Variants in GAB1 observed in about 807,000 individuals in gnomAD.
GAB1 encodes the protein GRB2 associated binding protein 1.
A neutral mutation model predicts 66.5 loss-of-function variants in GAB1; 19 were observed. That is an observed-to-expected ratio of 0.29 (90% CI 0.20 to 0.42). The LOEUF (loss-of-function observed/expected upper bound fraction) is 0.42, where lower values mean the gene tolerates loss of function less well. Among genes scored for constraint, GAB1 ranks in the 10% least tolerant of loss-of-function variants. GAB1 has a pLI of 1.00. For missense variants in GAB1, 732 were observed against 858.5 expected (o/e 0.85, Z 1.84); for synonymous variants, 294 against 301.4 (o/e 0.98, Z 0.25).
chr4:143,398,144 G>A (rs1731549324), intron 1 of GAB1, among the ~76,000 whole-genome samples: 1 of 152,200 alleles, frequency 6.6e-6, no homozygotes, highest in Non-Finnish European at 1.5e-5. Flanking sequence ...GAAAAAGCTG[G>A]TGAGGGTGTT....
chr4:143,417,510 C>T (rs765972908), intron 2 of GAB1: 12 of 339,346 alleles, frequency 3.5e-5, no homozygotes, highest in Non-Finnish European at 6.5e-5. Context: ...CAGGTTCAAG[C>T]GATTCTCGTG....
intron 6 of GAB1, among the ~76,000 whole-genome samples, chr4:143,448,592 G>T (rs1734707099): frequency 2.6e-5 from 4 of 151,566 alleles, no homozygotes. Context: ...GGTGTTTGTA[G>T]TATTCTCTGA....
At chr4:143,413,914 C>T (rs548685144) in intron 1 of GAB1, among the ~76,000 whole-genome samples, 37 of 148,750 alleles carry the variant, frequency 2.5e-4, no homozygotes, top group Middle Eastern at 3.4e-3. Flanking sequence ...CTGCCAACTC[C>T]GGGTTCAAGC....
chr4:143,344,743 T>C (rs1184517314), intron 1 of GAB1, among the ~76,000 whole-genome samples: 2 of 152,184 alleles, frequency 1.3e-5, no homozygotes, highest in Non-Finnish European at 1.5e-5. Context: ...GGCTTCTATG[T>C]TTGAGCATCT....
At chr4:143,364,651 T>C (rs957049338) in intron 1 of GAB1, among the ~76,000 whole-genome samples, 4 of 152,232 alleles carry the variant, frequency 2.6e-5, no homozygotes, top group Admixed American at 6.5e-5. Flanking sequence ...ATCCTATGCG[T>C]GCTCATCACA....
chr4:143,458,598 G>A (rs1358377918), intron 6 of GAB1, among the ~76,000 whole-genome samples: 1 of 151,856 alleles, frequency 6.6e-6, no homozygotes, highest in Non-Finnish European at 1.5e-5. Flanking sequence ...AAAAATCTCA[G>A]TCTTGACTTT....
chr4:143,340,076 G>C (rs1288105301), intron 1 of GAB1, among the ~76,000 whole-genome samples: 1 of 151,720 alleles, frequency 6.6e-6, no homozygotes, highest in Admixed American at 6.5e-5. Flanking sequence ...CAGGTTGGTG[G>C]CCCAGAAGAT....
Position 143,426,529 on chromosome 4 carries a change from G to T in GAB1, c.368-6962G>T, listed in dbSNP as rs376312056. On this transcript the variant is annotated intron_variant, in intron 2 of 9. Transcript: ENST00000262994. ...CTGCACTCCAGCCTGGGCACAGAGG[G>T]AGACCTTGTCTCAAAAAATAAAAAT... Among the ~76,000 whole-genome samples the T allele has an allele frequency of 5.3e-5, 8 of 152,266 alleles. No homozygotes were observed. The East Asian group carries it at 1.4e-3, about 26-fold the overall frequency.
chr4:143,349,905 G>A (rs1033084619), intron 1 of GAB1: 1 of 1,546,634 alleles, frequency 6.5e-7, no homozygotes, highest in African/African-American at 1.4e-5. Context: ...TGGGCAGAGA[G>A]AAGAGATAGA....
chr4:143,411,098 G>C (rs1421384800), intron 1 of GAB1, among the ~76,000 whole-genome samples: 1 of 152,136 alleles, frequency 6.6e-6, no homozygotes, highest in Non-Finnish European at 1.5e-5. Context: ...TTCCAATGTG[G>C]TTGGAAGGCA....
intron 6 of GAB1, among the ~76,000 whole-genome samples, chr4:143,450,109 T>C (rs1183877763): frequency 2.0e-5 from 3 of 152,178 alleles, no homozygotes; most frequent in Non-Finnish European, 2.9e-5. Context: ...GAAATAAGTA[T>C]GGAGTGCATT....
intron 2 of GAB1, chr4:143,425,297 C>T: frequency 1.2e-6 from 1 of 860,826 alleles, no homozygotes. Flanking sequence ...GGAATACTGG[C>T]CAGAGAGCCA....
intron 1 of GAB1, among the ~76,000 whole-genome samples, chr4:143,352,246 A>G (rs1202941939): frequency 1.3e-5 from 2 of 152,166 alleles, no homozygotes; most frequent in Non-Finnish European, 2.9e-5. Context: ...CAGCTTGTTT[A>G]CTTTTTATAA....
chr4:143,451,646 A>G (rs1478169408), intron 6 of GAB1, among the ~76,000 whole-genome samples: 2 of 152,172 alleles, frequency 1.3e-5, no homozygotes, highest in Non-Finnish European at 2.9e-5. Flanking sequence ...AAAATGTTAT[A>G]AAAATCACTT....
At chr4:143,349,984 T>C in intron 1 of GAB1, 1 of 1,585,120 alleles carries the variant, frequency 6.3e-7, no homozygotes, top group Non-Finnish European at 8.6e-7. Flanking sequence ...CATCCACTCC[T>C]TATCCTCGGC....
At chr4:143,407,263 C>CT (rs138480643) in intron 1 of GAB1, among the ~76,000 whole-genome samples, 11,593 of 143,436 alleles carry the variant, frequency 0.081, 605 homozygotes, top group African/African-American at 0.15. Context: ...TTTGTCATTG[C>CT]TTTTTTTTTT....
At chr4:143,425,531 A>C in intron 2 of GAB1, 3 of 762,562 alleles carry the variant, frequency 3.9e-6, no homozygotes, top group Non-Finnish European at 4.8e-6. Context: ...TTGCCATCCC[A>C]TGCAACAACA....
At chr4:143,340,037 A>G (rs1469443976) in intron 1 of GAB1, among the ~76,000 whole-genome samples, 1 of 152,168 alleles carries the variant, frequency 6.6e-6, no homozygotes, top group East Asian at 1.9e-4. Flanking sequence ...TTTAACTGTC[A>G]GGTTAAATAA....
intron 1 of GAB1, chr4:143,349,627 G>T: frequency 1.4e-6 from 2 of 1,464,620 alleles, no homozygotes; most frequent in South Asian, 1.2e-5. Context: ...GACGGTGTGG[G>T]GCTTGCCGAT....
Sources: gnomAD v4.1 joint callset for allele counts (sites outside exome capture counted in the v4.1 genomes callset) on GRCh38, gnomAD v4.1.1 for gene constraint, MANE v1.5 for transcripts, NCBI Gene and HGNC (gene_info 2026-07-23, HGNC 2026-07-21) for gene names.